Variants in IL17RA observed in about 807,000 individuals in gnomAD.
The protein encoded by IL17RA is interleukin 17 receptor A.
Under a neutral mutation model 50.4 loss-of-function variants are expected in IL17RA, and 34 were observed. The observed-to-expected ratio is 0.67, with a 90% CI of 0.51 to 0.90. The LOEUF (loss-of-function observed/expected upper bound fraction) is 0.90. Ranked by LOEUF, IL17RA falls within the 40% of genes least tolerant of loss-of-function variation. IL17RA has a pLI of 0.00. For missense variants in IL17RA, 1,276 were observed against 1,169.8 expected (o/e 1.09, Z -1.32); for synonymous variants, 585 against 510.4 (o/e 1.15, Z -1.97).
intron 1 of IL17RA, among the ~76,000 whole-genome samples, chr22:17,096,166 C>T (rs558516549): frequency 6.6e-6 from 1 of 152,296 alleles, no homozygotes; most frequent in South Asian, 2.1e-4. Context: ...TTACATTTCC[C>T]TGGTAGCATT....
chr22:17,092,051 G>A (rs5748864), intron 1 of IL17RA, among the ~76,000 whole-genome samples: 41,850 of 152,026 alleles, frequency 0.28, 6,462 homozygotes, highest in East Asian at 0.43. Context: ...GGGCTGGGAC[G>A]TTTAGCCCCA....
intron 1 of IL17RA, among the ~76,000 whole-genome samples, chr22:17,096,324 G>T (rs531903505): frequency 6.6e-6 from 1 of 152,086 alleles, no homozygotes; most frequent in Non-Finnish European, 1.5e-5. Context: ...ACCTCGTCAC[G>T]ATCACCCGGA....
intron 8 of IL17RA, 129 bp downstream of exon 8, chr22:17,103,706 GAGT>G (rs1199087197): frequency 1.4e-5 from 11 of 763,822 alleles, no homozygotes; most frequent in Non-Finnish European, 2.0e-5. Flanking sequence ...CAGGTGGAGA[GAGT>G]GGTGTGGACG....
At chr22:17,097,113 C>T in intron 2 of IL17RA, 27 bp downstream of exon 2, 1 of 1,607,194 alleles carries the variant, frequency 6.2e-7, no homozygotes, top group Non-Finnish European at 8.5e-7. Flanking sequence ...TGTTCTTCTT[C>T]TTGTTGCCTT....
rs977449576 is a variant in IL17RA, at chr22:17,109,856, TGA to T, written c.*42_*43del. The T allele has an allele frequency of 6.5e-7, 1 of 1,532,084 alleles. No individual in the cohort carries two copies. 94.9% of individuals were successfully genotyped at this position (1,532,084 alleles called of 1,614,324 possible). On this transcript the variant is annotated 3_prime_UTR_variant, in exon 13 of 13. Coordinates refer to ENST00000319363, the MANE Select transcript of IL17RA (RefSeq NM_014339.7). ...CCAGGGACCGCCCAGATCCCAGCTT[TGA>T]GAGAGGAGTGTGTGTGCACGTATTC... is the stretch of plus-strand genomic sequence containing the variant.
chr22:17,109,206 C>T lies in IL17RA; in HGVS notation c.1987C>T (p.Gln663Ter). Residue 663 changes from glutamine to a stop codon, truncating the protein, a stop_gained, in exon 13 of 13, where the codon CAG becomes TAG. Transcript: ENST00000319363. LOFTEE classifies it low-confidence loss of function (END_TRUNC). ...GCAGCCCCGGGGTCAGCCAGCGCCG[C>T]AGCCCCTCCACACCCTGGTGCTCGC... Reference protein sequence around the residue: ...HLQPRGQPAPQPLHTLVLAAE... With the variant: ...HLQPRGQPAP 1.3e-6 allele frequency: 2 copies of T among 1,506,880 alleles called. No homozygotes were observed. Among genetic ancestry groups the T allele is most frequent in the Non-Finnish European group, 1.8e-6 (2 of 1,133,060 alleles). The allele number at this position is 1,506,880 out of a possible 1,614,324, so 93.3% of individuals were successfully genotyped here. A position where few individuals can be genotyped will look rare whatever the true frequency, so the allele number is the denominator to read the frequency against.
chr22:17,098,729 T>G (rs766336093), intron 3 of IL17RA, 46 bp from the exon 4 acceptor site: 1 of 1,512,900 alleles, frequency 6.6e-7, no homozygotes, highest in Non-Finnish European at 9.2e-7. Context: ...AGCACTTGTC[T>G]TGGCTGATCT....
intron 1 of IL17RA, among the ~76,000 whole-genome samples, chr22:17,092,767 T>C (rs999569204): frequency 6.6e-6 from 1 of 152,242 alleles, no homozygotes; most frequent in African/African-American, 2.4e-5. Context: ...TCCTTCTGTT[T>C]TTTTGTTAAT....
chr22:17,105,768 C>A, intron 10 of IL17RA, 85 bp from the exon 11 acceptor site: 1 of 1,428,664 alleles, frequency 7.0e-7, no homozygotes, highest in Non-Finnish European at 9.8e-7. Context: ...GAGGACAGAG[C>A]CTGGGGCTGG....
In IL17RA at chr22:17,101,991, GAC is replaced by G. The variant is rs1568920287; in HGVS notation, c.551-3_551-2del. ...TAATGAGTTTCCTTTTTTCTGGGTC[GAC>G]AGACTGTGAGCACGCCAGGATGAAG... On this transcript the variant is annotated splice_region_variant and splice_polypyrimidine_tract_variant and intron_variant, in intron 5 of 12. Transcript: ENST00000319363. 2.5e-6 allele frequency: 4 copies of G among 1,614,182 alleles called. No homozygotes were observed. Among genetic ancestry groups the G allele is most frequent in the Non-Finnish European group, 2.5e-6 (3 of 1,180,008 alleles).
At chr22:17,093,702 T>A in intron 1 of IL17RA, 1 of 187,082 alleles carries the variant, frequency 5.3e-6, no homozygotes, top group Non-Finnish European at 1.2e-5. Flanking sequence ...TTGGTGAATC[T>A]TCATCCTCAT....
Position 17,103,505 on chromosome 22 carries a change from A to G in IL17RA, c.774A>G (p.Glu258=). The G allele has an allele frequency of 6.2e-7, 1 of 1,613,586 alleles. No individual in the cohort carries two copies. The highest frequency in any genetic ancestry group is 8.5e-7 in the Non-Finnish European group (1 of 1,179,838). Residue 258 remains glutamate (E), a synonymous_variant, in exon 8 of 13, where the codon GAA becomes GAG. Transcript: ENST00000319363. ...GCCTCTCTCCTCAGCCCAGACCAGA[A>G]GAGTTCCACCAGCGATCCAACGTCA... ...HMHHIPAPRP[E]EFHQRSNVTL... is the part of the protein sequence containing the mutation.
Position 17,109,864 on chromosome 22 carries a change from G to A in IL17RA, c.*44G>A. The A allele has an allele frequency of 4.0e-6, 6 of 1,508,314 alleles. No individual in the cohort carries two copies. Among genetic ancestry groups the A allele is most frequent in the South Asian group, 1.2e-5 (1 of 83,310 alleles). The allele number at this position is 1,508,314 out of a possible 1,614,324, so 93.4% of individuals were successfully genotyped here. A position where few individuals can be genotyped will look rare whatever the true frequency, so the allele number is the denominator to read the frequency against. ...CGCCCAGATCCCAGCTTTGAGAGAG[G>A]AGTGTGTGTGCACGTATTCATCTGT... On this transcript the variant is annotated 3_prime_UTR_variant, in exon 13 of 13. Transcript: ENST00000319363.
intron 1 of IL17RA, 58 bp downstream of exon 1, chr22:17,085,287 C>G (rs2061322688): frequency 8.5e-6 from 13 of 1,528,778 alleles, no homozygotes; most frequent in Middle Eastern, 2.3e-4. Flanking sequence ...GGGGCAAGGT[C>G]GCGGAGGGCC....
Position 17,105,862 on chromosome 22 carries a change from C to T in IL17RA, c.953C>T (p.Pro318Leu). The T allele has an allele frequency of 6.2e-7, 1 of 1,613,894 alleles. No homozygotes were observed. Among genetic ancestry groups the T allele is most frequent in the Non-Finnish European group, 8.5e-7 (1 of 1,179,890 alleles). Residue 318 changes from proline to leucine, a missense_variant, in exon 11 of 13, where the codon CCC becomes CTC. Pro to Leu is a moderately conservative substitution (Grantham distance 98). Coordinates refer to ENST00000319363, the MANE Select transcript of IL17RA (RefSeq NM_014339.7). ...DTPEPIPDYM[P>L]LWVYWFITGI... ...GTTCTGCTCACCGCAGACTACATGCCCCTGTGGGTGTACTGGTTCATCACG... is the reference window on the plus strand; with the variant it reads ...GTTCTGCTCACCGCAGACTACATGCTCCTGTGGGTGTACTGGTTCATCACG...
chr22:17,107,499 G>C (rs1450210443), intron 11 of IL17RA, among the ~76,000 whole-genome samples: 2 of 152,242 alleles, frequency 1.3e-5, no homozygotes, highest in Non-Finnish European at 2.9e-5. Flanking sequence ...ACCTCACAGA[G>C]GAAGAAGCTG....
At position 17,109,810 on chromosome 22, in the gene IL17RA, C is replaced by T; in HGVS notation, c.2591C>T (p.Pro864Leu). 1.9e-6 allele frequency: 3 copies of T among 1,549,550 alleles called. No homozygotes were observed. Among genetic ancestry groups the T allele is most frequent in the South Asian group, 1.2e-5 (1 of 84,076 alleles). Reference protein sequence around the residue: ...WDTMGSESEGPSA With the variant: ...WDTMGSESEGLSA ...ACGATGGGGTCAGAGTCAGAGGGGC[C>T]CAGTGCATGAGGGCGGCTCCCCAGG... The change falls in exon 13 of 13, where the codon CCC becomes CTC. Residue 864 changes from proline (P) to leucine (L), a missense_variant. Transcript: ENST00000319363.
At chr22:17,097,995 G>T in intron 3 of IL17RA, 52 bp downstream of exon 3, 1 of 1,609,396 alleles carries the variant, frequency 6.2e-7, no homozygotes, top group Non-Finnish European at 8.5e-7. Context: ...CCTCCAAGTG[G>T]CTCTCCCAGT....
intron 1 of IL17RA, among the ~76,000 whole-genome samples, chr22:17,089,295 A>G (rs1249660661): frequency 6.6e-6 from 1 of 152,188 alleles, no homozygotes; most frequent in African/African-American, 2.4e-5. Context: ...TCGTCATGCA[A>G]ATGCCAGCTC....
Sources: allele counts gnomAD v4.1 joint callset (sites outside exome capture counted in the v4.1 genomes callset), GRCh38; gene constraint gnomAD v4.1.1; transcripts MANE v1.5; gene names NCBI Gene and HGNC (gene_info 2026-07-23, HGNC 2026-07-21).